Variants in KIF20B observed in about 807,000 individuals in gnomAD.
KIF20B encodes the protein kinesin family member 20B, also known as kinesin-like protein KIF20B.
Under a neutral mutation model 232.5 loss-of-function variants are expected in KIF20B, and 188 were observed. That is an observed-to-expected ratio of 0.81 (90% confidence interval 0.72 to 0.91). The LOEUF is 0.91. Among genes scored for constraint, KIF20B ranks in the 40% least tolerant of loss-of-function variants. The pLI, the probability that KIF20B is intolerant of heterozygous loss-of-function variation, is 0.00. For missense variants in KIF20B, 2,154 were observed against 2,055.9 expected, an observed-to-expected ratio of 1.05 and a Z score of -0.92; for synonymous variants, 712 against 683.0, an observed-to-expected ratio of 1.04 and a Z score of -0.66.
chr10:89,734,706 C>G (rs1226428097), intron 19 of KIF20B, among the ~76,000 whole-genome samples: 1 of 152,176 alleles, frequency 6.6e-6, no homozygotes, highest in African/African-American at 2.4e-5. Flanking sequence ...CATGGGCTAT[C>G]ATCTCACAAC....
chr10:89,760,418 C>A, intron 27 of KIF20B, 108 bp from the exon 28 acceptor site: 1 of 674,126 alleles, frequency 1.5e-6, no homozygotes, highest in Middle Eastern at 3.6e-4. Flanking sequence ...TAGTAATTTC[C>A]ATTGTTTAGT....
In KIF20B at chr10:89,719,536, GCCA is replaced by G; in HGVS notation, c.1556_1558del (p.Thr519del). On this transcript the variant is annotated inframe_deletion, in exon 13 of 33. Coordinates refer to ENST00000371728, the MANE Select transcript of KIF20B (RefSeq NM_001284259.2). ...CAGTAAAATATTAAATGTAAAAAGA[GCCA>G]CCATTTCATGGGAAAATAGTCTAGA... 1 of 1,612,986 alleles carries G rather than the reference GCCA, an allele frequency of 6.2e-7. No individual in the cohort carries two copies. Among genetic ancestry groups the G allele is most frequent in the South Asian group, 1.1e-5 (1 of 90,998 alleles).
At chr10:89,733,728 G>A (rs1286334268) in intron 19 of KIF20B, among the ~76,000 whole-genome samples, 6 of 152,120 alleles carry the variant, frequency 3.9e-5, no homozygotes, top group Non-Finnish European at 8.8e-5. Flanking sequence ...AAATACAGCA[G>A]GCATAATGCC....
At chr10:89,747,865 A>G (rs1589873796) in intron 23 of KIF20B, among the ~76,000 whole-genome samples, 1 of 139,912 alleles carries the variant, frequency 7.1e-6, no homozygotes, top group East Asian at 2.2e-4. Flanking sequence ...GTGCACATGT[A>G]CCCTAAAACT....
rs759624730 is a variant in KIF20B, at chr10:89,714,110, T to A, written c.712+27T>A. On this transcript the variant is annotated intron_variant, in intron 7 of 32. Transcript: ENST00000371728. ...TAAGGTTTCGTTGCTCACTTATCTT[T>A]GATGTATCGATTATATGAAGTACAC... 4.6e-6 allele frequency: 6 copies of A among 1,301,270 alleles called. No homozygotes were observed. In the East Asian group the frequency reaches 1.5e-4, roughly 33 times the overall value. The allele number at this position is 1,301,270 out of a possible 1,614,324, so 80.6% of individuals were successfully genotyped here.
At chr10:89,740,708 T>G (rs1841778755) in intron 21 of KIF20B, among the ~76,000 whole-genome samples, 1 of 152,224 alleles carries the variant, frequency 6.6e-6, no homozygotes, top group South Asian at 2.1e-4. Context: ...TCACCCAATC[T>G]GGAGTGCAGT....
At chr10:89,714,158 A>G in intron 7 of KIF20B, 75 bp downstream of exon 7, 1 of 827,242 alleles carries the variant, frequency 1.2e-6, no homozygotes, top group Non-Finnish European at 1.8e-6. Flanking sequence ...TAATTTTTAA[A>G]TCACTTCTAA....
intron 2 of KIF20B, 129 bp from the exon 3 acceptor site, chr10:89,709,038 G>T: frequency 1.5e-6 from 1 of 680,768 alleles, no homozygotes. Context: ...TTAAAAGCAG[G>T]ATAGTGACTG....
chr10:89,760,099 T>C (rs1488445392), intron 27 of KIF20B, among the ~76,000 whole-genome samples: 5 of 152,190 alleles, frequency 3.3e-5, no homozygotes, highest in Non-Finnish European at 7.4e-5. Context: ...AATTGTGTTA[T>C]CAAAAGCAAC....
chr10:89,727,825 T>C, intron 16 of KIF20B, 31 bp from the exon 17 acceptor site: 1 of 1,509,728 alleles, frequency 6.6e-7, no homozygotes, highest in African/African-American at 1.4e-5. Context: ...GATGCTTAGA[T>C]ATTTATTTTC....
Position 89,738,173 on chromosome 10 carries a change from A to G in KIF20B, c.3332A>G (p.Asp1111Gly). Residue 1111 changes from aspartate to glycine, a missense_variant, in exon 20 of 33, where the codon GAT becomes GGT. Transcript: ENST00000371728. ...AAGGAGAAGGAGCATAAAAACCAAG[A>G]TGACCTACTAAAAGAAAAAGAAACT... ...RLKEKEHKNQ[D>G]DLLKEKETLI... 1.2e-6 allele frequency: 2 copies of G among 1,607,914 alleles called. No homozygotes were observed. The highest frequency in any genetic ancestry group is 1.7e-6 in the Non-Finnish European group (2 of 1,179,236).
intron 6 of KIF20B, 36 bp from the exon 7 acceptor site, chr10:89,714,011 T>C: frequency 3.7e-6 from 4 of 1,075,212 alleles, no homozygotes; most frequent in Non-Finnish European, 5.3e-6. Context: ...TTAATGAAAA[T>C]GTTTTTTTAA....
chr10:89,762,928 C>A, intron 29 of KIF20B, 93 bp downstream of exon 29: 1 of 885,720 alleles, frequency 1.1e-6, no homozygotes, highest in South Asian at 1.6e-5. Flanking sequence ...CCCTCCTGTT[C>A]ATAGGCACTG....
chr10:89,703,779 A>T (rs182864267), intron 1 of KIF20B, among the ~76,000 whole-genome samples: 1 of 134,812 alleles, frequency 7.4e-6, no homozygotes, highest in East Asian at 2.1e-4. Flanking sequence ...TTTTTGACGC[A>T]GTCTTGCTCT....
intron 6 of KIF20B, among the ~76,000 whole-genome samples, chr10:89,712,483 G>A (rs116076139): frequency 0.017 from 2,528 of 152,064 alleles, 76 homozygotes; most frequent in African/African-American, 0.058. Flanking sequence ...TTGAACTCTT[G>A]GCCTCAAGAG....
intron 2 of KIF20B, among the ~76,000 whole-genome samples, chr10:89,708,180 C>T (rs966815924): frequency 1.5e-4 from 23 of 150,786 alleles, no homozygotes; most frequent in African/African-American, 5.6e-4. Flanking sequence ...TTTTCTCTTC[C>T]TATATTTTCT....
Position 89,715,171 on chromosome 10 carries a change from CT to C in KIF20B, c.933del (p.Phe311LeufsTer2). On this transcript the variant is annotated frameshift_variant, in exon 8 of 33. Transcript: ENST00000371728. LOFTEE classifies it high-confidence loss of function. ...CTTTCCCAAGACGTAAAGGGCTATT[CT>C]TTTATAAAAGGTATACTAATGAATA... is the stretch of plus-strand genomic sequence containing the variant. ...LRLSQDVKGY[S>X]FIKDLQWIQV... The C allele has an allele frequency of 1.3e-6, 2 of 1,585,902 alleles. No homozygotes were observed. The highest frequency in any genetic ancestry group is 1.7e-6 in the Non-Finnish European group (2 of 1,163,722).
rs1249936669 is a variant in KIF20B at position 89,709,328 on chromosome 10, G to C, written c.235-17G>C. 1 of 1,597,298 alleles carries C rather than the reference G, an allele frequency of 6.3e-7. No individual in the cohort carries two copies. Among genetic ancestry groups the C allele is most frequent in the Admixed American group, 1.7e-5 (1 of 58,864 alleles). ...GGCAAAATACTAGTTTTTATTTATT[G>C]GGGGTATGTTTTCTAGGGCTGTGTG... On this transcript the variant is annotated splice_polypyrimidine_tract_variant and intron_variant, in intron 3 of 32. Coordinates refer to ENST00000371728, the MANE Select transcript of KIF20B (RefSeq NM_001284259.2).
intron 18 of KIF20B, among the ~76,000 whole-genome samples, chr10:89,730,130 G>A (rs1222942049): frequency 6.6e-6 from 1 of 152,216 alleles, no homozygotes; most frequent in East Asian, 1.9e-4. Context: ...TAAATGAGGA[G>A]CATTCTAGAA....
Sources: gnomAD v4.1 joint callset for allele counts (sites outside exome capture counted in the v4.1 genomes callset) on GRCh38, gnomAD v4.1.1 for gene constraint, MANE v1.5 for transcripts, NCBI Gene and HGNC (gene_info 2026-07-23, HGNC 2026-07-21) for gene names.